The following NDRG4 variants were observed in gnomAD, a reference collection of about 807,000 sequenced individuals.
NDRG4 encodes NDRG family member 4.
Under a neutral mutation model 55.8 loss-of-function variants are expected in NDRG4, and 38 were observed. The observed-to-expected ratio is 0.68, with a 90% confidence interval of 0.53 to 0.89. The LOEUF is 0.89. NDRG4 is among the 40% of genes least tolerant of loss of function. The probability of loss-of-function intolerance (pLI) is 0.00; values close to 1 mark genes in which losing one functional copy is unlikely to be tolerated. For missense variants in NDRG4, 455 were observed against 468.6 expected (o/e 0.97, Z 0.27); for synonymous variants, 190 against 182.7 (o/e 1.04, Z -0.32).
At position 58,511,645 on chromosome 16, in the gene NDRG4, C is replaced by G. The variant is rs772875963; in HGVS notation, c.*69C>G. On this transcript the variant is annotated 3_prime_UTR_variant, in exon 15 of 15. Transcript: ENST00000570248. Reference sequence around the variant, plus strand: ...CCATCCTTGCGCCGGCTCATGTTCCCTTTAGTTTATTTTTGTGAGGGCAAA... The same window carrying G: ...CCATCCTTGCGCCGGCTCATGTTCCGTTTAGTTTATTTTTGTGAGGGCAAA... 105 of 1,597,834 alleles carry G rather than the reference C, an allele frequency of 6.6e-5. No individual in the cohort carries two copies. Among genetic ancestry groups the G allele is most frequent in the Admixed American group, 1.0e-4 (6 of 59,950 alleles).
In NDRG4 at chr16:58,506,398, C is replaced by T. The variant is rs564622381; in HGVS notation, c.384C>T (p.Pro128=). Residue 128 remains proline, a synonymous_variant, in exon 6 of 15, where the codon CCC becomes CCT. Coordinates refer to ENST00000570248, the MANE Select transcript of NDRG4 (RefSeq NM_001242835.2). ...CCCTCTTACTGCAGCTCATCTTCCC[C>T]GACCTGGTGGAGGGGCTGGTGCTGG... ...YVLAKFALIF[P]DLVEGLVLVN... 14 of 1,613,832 alleles carry T rather than the reference C, an allele frequency of 8.7e-6. No homozygotes were observed. The highest frequency in any genetic ancestry group is 6.7e-5 in the African/African-American group (5 of 74,970).
Position 58,464,637 on chromosome 16 carries a change from G to T in NDRG4, c.-24+840G>T. 1 of 941,674 alleles carries T rather than the reference G, an allele frequency of 1.1e-6. No homozygotes were observed. The allele number at this position is 941,674 out of a possible 1,614,324, so 58.3% of individuals were successfully genotyped here. A position where few individuals can be genotyped will look rare whatever the true frequency, so the allele number is the denominator to read the frequency against. ...GTGTGCGGAGCCCAGCCCCGGGAGA[G>T]GACTTGAGGTTGTGGCGAGTCCCTG... is the stretch of plus-strand genomic sequence containing the variant. On this transcript the variant is annotated intron_variant, in intron 1 of 15. Transcript: ENST00000258187. This position sits in a 1 kb window ranked among gnomAD's most constrained non-coding sequence, Gnocchi z 4.8.
chr16:58,467,297 A>G (rs955848581), intron 1 of NDRG4, among the ~76,000 whole-genome samples: 3 of 152,238 alleles, frequency 2.0e-5, no homozygotes, highest in Non-Finnish European at 4.4e-5. Flanking sequence ...CACTGAGGTC[A>G]GGAGTTCAAG....
chr16:58,480,493 C>T (rs989161466), intron 1 of NDRG4, among the ~76,000 whole-genome samples: 1 of 152,206 alleles, frequency 6.6e-6, no homozygotes, highest in Non-Finnish European at 1.5e-5. Context: ...GTCAAACAGC[C>T]TTGTACCAGA....
chr16:58,467,232 G>T (rs920104107), intron 1 of NDRG4, among the ~76,000 whole-genome samples: 2 of 152,234 alleles, frequency 1.3e-5, no homozygotes, highest in Admixed American at 6.5e-5. Flanking sequence ...TGAAGGCTGG[G>T]CACAGTGGCT....
In NDRG4 at chr16:58,500,692, CG is replaced by C. The variant is rs2036967279; in HGVS notation, c.21+428del. 8 of 419,368 alleles carry C rather than the reference CG, an allele frequency of 1.9e-5. No homozygotes were observed. In the South Asian group the frequency reaches 4.2e-4, roughly 22 times the overall value. 26.0% of individuals were successfully genotyped at this position (419,368 alleles called of 1,614,324 possible). ...TGCCTGGGGCCATCAGGCCAGGGGG[CG>C]GGGGTGTCCTTGGTGAGCCCCCGAG... is the stretch of plus-strand genomic sequence containing the variant. On this transcript the variant is annotated intron_variant, in intron 1 of 14. Transcript: ENST00000570248.
chr16:58,501,215 T>C (rs2037052094), intron 1 of NDRG4: 1 of 443,512 alleles, frequency 2.3e-6, no homozygotes, highest in Non-Finnish European at 3.7e-6. Flanking sequence ...CGTCAGCACC[T>C]GCCCGCCCAT....
chr16:58,476,997 G>A (rs1457684170), intron 1 of NDRG4, among the ~76,000 whole-genome samples: 1 of 152,008 alleles, frequency 6.6e-6, no homozygotes, highest in Non-Finnish European at 1.5e-5. Context: ...TATTATGGAT[G>A]AGAGCCAGGT....
chr16:58,497,890 C>T (rs771802511), upstream of NDRG4, among the ~76,000 whole-genome samples: 1 of 152,114 alleles, frequency 6.6e-6, no homozygotes. Flanking sequence ...TTCTGATTCT[C>T]ACAGCAGCTT....
In NDRG4 at chr16:58,465,093, G is replaced by A. The variant is rs9935033; in HGVS notation, c.-24+1296G>A. On this transcript the variant is annotated intron_variant, in intron 1 of 15. Coordinates refer to the NDRG4 transcript ENST00000258187. ...GGAGGTGGGAAAGGGAGCAGGGACG[G>A]GGGGGAGGATTCGAGGAGTGACTTC... 4.4e-5 allele frequency: 56 copies of A among 1,278,952 alleles called. No individual in the cohort carries two copies. The African/African-American group carries it at 6.0e-4, about 14-fold the overall frequency. 79.2% of individuals were successfully genotyped at this position (1,278,952 alleles called of 1,614,324 possible). A position where few individuals can be genotyped will look rare whatever the true frequency, so the allele number is the denominator to read the frequency against.
upstream of NDRG4, chr16:58,499,861 C>G: frequency 5.5e-6 from 2 of 360,632 alleles, no homozygotes; most frequent in Non-Finnish European, 1.1e-5. Context: ...TCGGAGGATC[C>G]CGTGTGAGCT....
chr16:58,498,472 C>T (rs1208256591), upstream of NDRG4, among the ~76,000 whole-genome samples: 2 of 152,212 alleles, frequency 1.3e-5, no homozygotes, highest in Non-Finnish European at 2.9e-5. Flanking sequence ...GAGATGACCA[C>T]TTTCTCCAAG....
At position 58,509,308 on chromosome 16, in the gene NDRG4, A is replaced by G. The variant is rs140912343; in HGVS notation, c.821A>G (p.Lys274Arg). ...GGLPQVTQPGKLTEAFKYFLQ... is the reference protein window; with the variant it reads ...GGLPQVTQPGRLTEAFKYFLQ... ...TTGTCCTGCCCTCCGCAGCCAGGGAAGCTGACTGAAGCCTTCAAATACTTC... is the reference window on the plus strand; with the variant it reads ...TTGTCCTGCCCTCCGCAGCCAGGGAGGCTGACTGAAGCCTTCAAATACTTC... Residue 274 changes from lysine to arginine, a missense_variant, in exon 13 of 15, where the codon AAG becomes AGG. Lys to Arg is a conservative substitution (Grantham distance 26). Transcript: ENST00000570248. The G allele has an allele frequency of 7.4e-6, 12 of 1,613,944 alleles. No individual in the cohort carries two copies. Among genetic ancestry groups the G allele is most frequent in the Admixed American group, 1.7e-5 (1 of 60,008 alleles).
At chr16:58,507,284 C>T (rs1378452637) in intron 8 of NDRG4, 5 of 511,332 alleles carry the variant, frequency 9.8e-6, no homozygotes, top group African/African-American at 1.9e-5. Context: ...GTGTTAGTGA[C>T]ATCCCTGACT....
rs1193655714 is a variant in NDRG4, at chr16:58,465,408, C to G, written c.-24+1611C>G. 2.6e-5 allele frequency among the ~76,000 whole-genome samples: 4 copies of G among 152,050 alleles called. No homozygotes were observed. The East Asian group carries it at 7.7e-4, about 29-fold the overall frequency. Reference sequence around the variant, plus strand: ...AGTCGGGGGCAGCTTTTGAAGACCTCGAAAAACAATTTTTGTTAATGAAGA... The same window carrying G: ...AGTCGGGGGCAGCTTTTGAAGACCTGGAAAAACAATTTTTGTTAATGAAGA... On this transcript the variant is annotated intron_variant, in intron 1 of 15. Coordinates refer to the NDRG4 transcript ENST00000258187.
At chr16:58,496,480 T>C (rs1015048271), upstream of NDRG4, among the ~76,000 whole-genome samples, 1 of 152,134 alleles carries the variant, frequency 6.6e-6, no homozygotes, top group African/African-American at 2.4e-5. Context: ...GGCCAAGACC[T>C]GGCAGGGATT....
chr16:58,501,950 G>C, intron 1 of NDRG4: 1 of 455,516 alleles, frequency 2.2e-6, no homozygotes, highest in Non-Finnish European at 4.4e-6. Flanking sequence ...TGCAGCAGGA[G>C]GCGCATTGCA....
intron 14 of NDRG4, 173 bp from the exon 15 acceptor site, chr16:58,511,249 C>T (rs924963361): frequency 2.5e-5 from 18 of 716,188 alleles, no homozygotes; most frequent in Non-Finnish European, 4.2e-5. Context: ...CTCACTGTCG[C>T]CGGCCCTGCA....
At chr16:58,510,870 T>C in intron 14 of NDRG4, 187 bp downstream of exon 14, 1 of 629,248 alleles carries the variant, frequency 1.6e-6, no homozygotes, top group Non-Finnish European at 2.8e-6. Flanking sequence ...GTTGGCTGGG[T>C]TGCAGAGCAG....
Sources: allele counts gnomAD v4.1 joint callset (sites outside exome capture counted in the v4.1 genomes callset), GRCh38; gene constraint gnomAD v4.1.1; non-coding constraint Gnocchi (gnomAD v3.1); transcripts MANE v1.5; gene names NCBI Gene and HGNC (gene_info 2026-07-23, HGNC 2026-07-21).